Variants in MAPK10 observed in about 807,000 individuals in gnomAD.
MAPK10 encodes JNK3 alpha protein kinase.
In MAPK10, 25 loss-of-function variants were observed where a neutral mutation model predicts 59.3. That is an observed-to-expected ratio of 0.42 (90% CI 0.31 to 0.59). The LOEUF is 0.59. MAPK10 is among the 20% of genes least tolerant of loss of function. The probability of loss-of-function intolerance (pLI) is 0.15; values close to 1 mark genes in which losing one functional copy is unlikely to be tolerated. For missense variants in MAPK10, 351 were observed against 568.9 expected (o/e 0.62, Z 3.90); for synonymous variants, 190 against 200.5 (o/e 0.95, Z 0.44).
chr4:86,070,725 C>T (rs1375183262), intron 9 of MAPK10, among the ~76,000 whole-genome samples: 1 of 150,876 alleles, frequency 6.6e-6, no homozygotes, highest in Admixed American at 6.6e-5. Flanking sequence ...ATGAACTCAT[C>T]ATTTTTTATG....
intron 13 of MAPK10, among the ~76,000 whole-genome samples, chr4:86,021,070 C>G (rs1746448555): frequency 6.6e-6 from 1 of 151,978 alleles, no homozygotes; most frequent in African/African-American, 2.4e-5. Context: ...CTCCACGTCC[C>G]CATCAGATTA....
intron 1 of MAPK10, among the ~76,000 whole-genome samples, chr4:86,377,171 T>C (rs1222417653): frequency 2.0e-5 from 3 of 152,294 alleles, no homozygotes; most frequent in Middle Eastern, 3.4e-3. Flanking sequence ...AAGATTGTCA[T>C]TGTCTCATCA....
intron 1 of MAPK10, among the ~76,000 whole-genome samples, chr4:86,434,019 T>C (rs1748386935): frequency 6.6e-6 from 1 of 152,228 alleles, no homozygotes; most frequent in Admixed American, 6.5e-5. Flanking sequence ...TGTATGTGAC[T>C]CAGAATATAG....
chr4:86,424,925 T>C (rs1432633265), intron 1 of MAPK10, among the ~76,000 whole-genome samples: 1 of 152,082 alleles, frequency 6.6e-6, no homozygotes, highest in Non-Finnish European at 1.5e-5. Flanking sequence ...GAAATAAATC[T>C]CAGAGGAAAA....
At chr4:86,552,835 T>C (rs1022684364) in intron 1 of MAPK10, among the ~76,000 whole-genome samples, 1 of 152,112 alleles carries the variant, frequency 6.6e-6, no homozygotes, top group Admixed American at 6.5e-5. Context: ...CGATAATTTA[T>C]TAAGGTTTCC....
intron 2 of MAPK10, among the ~76,000 whole-genome samples, chr4:86,266,710 G>C (rs2094251994): frequency 6.6e-6 from 1 of 152,068 alleles, no homozygotes; most frequent in Non-Finnish European, 1.5e-5. Flanking sequence ...CCAGAATTTT[G>C]AGAAGCTTTA....
chr4:86,455,503 C>G (rs1751151651), upstream of MAPK10, among the ~76,000 whole-genome samples: 1 of 152,052 alleles, frequency 6.6e-6, no homozygotes, highest in Admixed American at 6.5e-5. Context: ...GCAGGGGTAG[C>G]TATTCTTATA....
chr4:86,379,102 G>C (rs775485590), intron 1 of MAPK10, among the ~76,000 whole-genome samples: 1 of 152,176 alleles, frequency 6.6e-6, no homozygotes, highest in Non-Finnish European at 1.5e-5. Context: ...GAGAGCTGAG[G>C]CTTCATGGGA....
At chr4:86,440,627 CAAA>C (rs59183601) in intron 1 of MAPK10, among the ~76,000 whole-genome samples, 14 of 108,614 alleles carry the variant, frequency 1.3e-4, no homozygotes, top group Admixed American at 2.9e-4. Flanking sequence ...GATCCTGTCT[CAAA>C]AAAAAAAAAA....
chr4:86,042,034 C>A (rs1472426463), intron 11 of MAPK10, among the ~76,000 whole-genome samples: 1 of 152,144 alleles, frequency 6.6e-6, no homozygotes, highest in Non-Finnish European at 1.5e-5. Context: ...TATTGCAGCA[C>A]TATATACAAT....
chr4:86,453,994 G>A (rs1430763347), upstream of MAPK10, among the ~76,000 whole-genome samples: 1 of 152,170 alleles, frequency 6.6e-6, no homozygotes, highest in Non-Finnish European at 1.5e-5. Flanking sequence ...TTGCTGGGTG[G>A]CTAGATTCAG....
intron 4 of MAPK10, among the ~76,000 whole-genome samples, chr4:86,127,027 A>T (rs2060182592): frequency 1.3e-5 from 2 of 151,794 alleles, no homozygotes; most frequent in South Asian, 4.2e-4. Context: ...TCCAATCCAT[A>T]CCTCATCATC....
At position 86,179,932 on chromosome 4, in the gene MAPK10, G is replaced by T. The variant is rs561998624; in HGVS notation, c.66+14404C>A. Among the ~76,000 whole-genome samples, 8 of 151,468 alleles carry T rather than the reference G, an allele frequency of 5.3e-5. 1 individual carries two copies. In the East Asian group the frequency reaches 1.2e-3, roughly 22 times the overall value. ...GCTTTGGAACACTGTTCTGGGCAAA[G>T]ATTTTATGAAAATAAGACCTCAAAA... is the stretch of plus-strand genomic sequence containing the variant. On this transcript the variant is annotated intron_variant, in intron 3 of 13. Transcript: ENST00000641462.
At chr4:86,565,110 G>T (rs1565049395) in intron 1 of MAPK10, among the ~76,000 whole-genome samples, 2 of 152,162 alleles carry the variant, frequency 1.3e-5, no homozygotes. Flanking sequence ...GTGAGGTGCT[G>T]GGGAGAGGGA....
At chr4:86,456,783 G>A (rs1260668228), upstream of MAPK10, among the ~76,000 whole-genome samples, 1 of 152,148 alleles carries the variant, frequency 6.6e-6, no homozygotes, top group Non-Finnish European at 1.5e-5. Flanking sequence ...TAGAGAAAAA[G>A]GGAATCCTCC....
At chr4:86,438,107 A>G (rs910470448) in intron 1 of MAPK10, among the ~76,000 whole-genome samples, 1 of 152,160 alleles carries the variant, frequency 6.6e-6, no homozygotes, top group Non-Finnish European at 1.5e-5. Flanking sequence ...TCACTGATAG[A>G]GGGCATAAAT....
At chr4:86,092,539 G>T (rs1198494830) in intron 9 of MAPK10, among the ~76,000 whole-genome samples, 1 of 151,910 alleles carries the variant, frequency 6.6e-6, no homozygotes, top group Non-Finnish European at 1.5e-5. Context: ...GAAGGTAGTA[G>T]TAGTAAGCCT....
chr4:86,431,745 C>T (rs1748074311), intron 1 of MAPK10, among the ~76,000 whole-genome samples: 1 of 152,112 alleles, frequency 6.6e-6, no homozygotes, highest in South Asian at 2.1e-4. Flanking sequence ...GCCAAATATA[C>T]ATATTTACTA....
At chr4:86,492,888 G>T (rs2087809384) in intron 1 of MAPK10, among the ~76,000 whole-genome samples, 1 of 152,144 alleles carries the variant, frequency 6.6e-6, no homozygotes, top group African/African-American at 2.4e-5. Flanking sequence ...TGTATGAGGG[G>T]TGTTAAAGCA....
Sources: gnomAD v4.1 joint callset for allele counts (sites outside exome capture counted in the v4.1 genomes callset) on GRCh38, gnomAD v4.1.1 for gene constraint, MANE v1.5 for transcripts, NCBI Gene and HGNC (gene_info 2026-07-23, HGNC 2026-07-21) for gene names.